The following MEIKIN variants were observed in gnomAD, a reference collection of about 807,000 sequenced individuals.
MEIKIN encodes meiotic kinetochore factor.
intron 9 of MEIKIN, among the ~76,000 whole-genome samples, chr5:131,863,168 T>G (rs1561736328): frequency 6.6e-6 from 1 of 152,194 alleles, no homozygotes; most frequent in African/African-American, 2.4e-5. Context: ...ATGATCTCAG[T>G]TTTTTCAAGT....
Position 131,896,299 on chromosome 5 carries a change from T to C in MEIKIN, c.703+15516A>G, listed in dbSNP as rs531364254. 2.0e-5 allele frequency among the ~76,000 whole-genome samples: 3 copies of C among 152,310 alleles called. No homozygotes were observed. In the East Asian group the frequency reaches 5.8e-4, roughly 29 times the overall value. ...TTTCATGTGCTGAGGAGTGCTTTAC[T>C]TCCAATTATGTGGTCAATTTTAGAA... On this transcript the variant is annotated intron_variant, in intron 8 of 12. Coordinates refer to ENST00000442687, the MANE Select transcript of MEIKIN (RefSeq NM_001303622.2).
Position 131,916,294 on chromosome 5 carries a change from A to G in MEIKIN, c.638+592T>C, listed in dbSNP as rs560330185. On this transcript the variant is annotated intron_variant, in intron 7 of 12. Transcript: ENST00000442687. ...ATTCACCCAAAAAAACAGCTAACAG[A>G]TTTTCTTTTCTTCAGAAATTTCTCA... Among the ~76,000 whole-genome samples, 5 of 152,266 alleles carry G rather than the reference A, an allele frequency of 3.3e-5. No homozygotes were observed. The South Asian group carries it at 1.0e-3, about 32-fold the overall frequency.
intron 8 of MEIKIN, among the ~76,000 whole-genome samples, chr5:131,889,955 A>T (rs1369988605): frequency 1.3e-5 from 2 of 152,160 alleles, no homozygotes; most frequent in Non-Finnish European, 2.9e-5. Flanking sequence ...CCTTTTCTGC[A>T]TCTATTGAGA....
At chr5:131,814,080 G>A (rs1197337128) in intron 12 of MEIKIN, among the ~76,000 whole-genome samples, 1 of 151,956 alleles carries the variant, frequency 6.6e-6, no homozygotes, top group Non-Finnish European at 1.5e-5. Context: ...GCTGGTAGCT[G>A]ATTAGATAGA....
chr5:131,871,268 G>C (rs1750490674), intron 9 of MEIKIN, among the ~76,000 whole-genome samples: 1 of 152,366 alleles, frequency 6.6e-6, no homozygotes, highest in African/African-American at 2.4e-5. Context: ...AGGGGTGACA[G>C]ACGGCACCTG....
chr5:131,894,257 C>T (rs984272861), intron 8 of MEIKIN, among the ~76,000 whole-genome samples: 1 of 151,102 alleles, frequency 6.6e-6, no homozygotes, highest in African/African-American at 2.4e-5. Context: ...CATTGGTCTA[C>T]ATGTCTGTTT....
At chr5:131,898,883 G>A (rs529266825) in intron 8 of MEIKIN, among the ~76,000 whole-genome samples, 10 of 152,278 alleles carry the variant, frequency 6.6e-5, no homozygotes, top group East Asian at 3.9e-4. Context: ...TGCACTTCCC[G>A]GGTAAGGCAA....
chr5:131,821,738 T>C (rs182888429), intron 11 of MEIKIN, among the ~76,000 whole-genome samples: 1 of 144,282 alleles, frequency 6.9e-6, no homozygotes, highest in East Asian at 2.1e-4. Flanking sequence ...CTTAACCTCC[T>C]GGGATCAAGC....
chr5:131,855,707 T>A (rs1285788009), intron 9 of MEIKIN, among the ~76,000 whole-genome samples: 1 of 151,122 alleles, frequency 6.6e-6, no homozygotes, highest in African/African-American at 2.4e-5. Flanking sequence ...GAAACCAACA[T>A]AGATTGTGAG....
At chr5:131,839,661 G>T (rs1749869673) in intron 11 of MEIKIN, among the ~76,000 whole-genome samples, 1 of 152,082 alleles carries the variant, frequency 6.6e-6, no homozygotes, top group Non-Finnish European at 1.5e-5. Context: ...TCAGAAACTT[G>T]GATTGCAACC....
chr5:131,901,593 G>C (rs1751158090), intron 8 of MEIKIN, among the ~76,000 whole-genome samples: 1 of 152,224 alleles, frequency 6.6e-6, no homozygotes, highest in Non-Finnish European at 1.5e-5. Context: ...CCACTCATCA[G>C]AGTGCTGTGA....
intron 8 of MEIKIN, among the ~76,000 whole-genome samples, chr5:131,899,855 T>C (rs1481747922): frequency 6.6e-6 from 1 of 152,190 alleles, no homozygotes; most frequent in Admixed American, 6.5e-5. Flanking sequence ...AAATAGGCCC[T>C]AATACAAAAA....
chr5:131,890,034 A>T (rs1191331711), intron 8 of MEIKIN, among the ~76,000 whole-genome samples: 1 of 152,158 alleles, frequency 6.6e-6, no homozygotes, highest in African/African-American at 2.4e-5. Context: ...TCGTATGTTG[A>T]ACCAGCCCTG....
At position 131,944,742 on chromosome 5, in the gene MEIKIN, C is replaced by T. The variant is rs915809960; in HGVS notation, c.211G>A (p.Gly71Arg). ...TGCAGGCTTTTCTCTCCTGTAACTCCTAAGCGAGGGCTAACAAAGAGACAA... is the reference window on the plus strand; with the variant it reads ...TGCAGGCTTTTCTCTCCTGTAACTCTTAAGCGAGGGCTAACAAAGAGACAA... Reference protein sequence around the residue: ...SGSGPFSPRLGVTGEKSLQEN... With the variant: ...SGSGPFSPRLRVTGEKSLQEN... Residue 71 changes from glycine (G) to arginine (R), a missense_variant, in exon 3 of 13, where the codon GGA (glycine) becomes AGA (arginine). By Grantham distance (125) the Gly-to-Arg change is moderately radical. Coordinates refer to ENST00000442687, the MANE Select transcript of MEIKIN (RefSeq NM_001303622.2). 2.5e-6 allele frequency: 1 copy of T among 398,980 alleles called. No homozygotes were observed. Among genetic ancestry groups the T allele is most frequent in the African/African-American group, 2.1e-5 (1 of 48,644 alleles). 24.7% of individuals were successfully genotyped at this position (398,980 alleles called of 1,614,324 possible).
intron 12 of MEIKIN, among the ~76,000 whole-genome samples, chr5:131,810,752 C>T (rs1772937965): frequency 6.6e-6 from 1 of 152,210 alleles, no homozygotes; most frequent in South Asian, 2.1e-4. Flanking sequence ...ATTCCAACGA[C>T]TTACCCACAC....
At chr5:131,870,878 C>G (rs930900159) in intron 9 of MEIKIN, among the ~76,000 whole-genome samples, 1 of 152,156 alleles carries the variant, frequency 6.6e-6, no homozygotes. Flanking sequence ...TATTTGCTCT[C>G]TAATTCCTTA....
intron 9 of MEIKIN, among the ~76,000 whole-genome samples, chr5:131,872,262 C>T (rs896679238): frequency 2.0e-5 from 3 of 151,594 alleles, no homozygotes; most frequent in Non-Finnish European, 4.4e-5. Context: ...AAAAATTAGA[C>T]GAATGGATAA....
intron 7 of MEIKIN, among the ~76,000 whole-genome samples, chr5:131,913,751 G>A (rs1751365619): frequency 6.6e-6 from 1 of 152,204 alleles, no homozygotes; most frequent in African/African-American, 2.4e-5. Context: ...GTGTTCATCA[G>A]TAAGGCCACT....
intron 12 of MEIKIN, among the ~76,000 whole-genome samples, chr5:131,817,455 CA>C (rs968637959): frequency 3.0e-4 from 43 of 145,288 alleles, no homozygotes; most frequent in Admixed American, 3.4e-4. Context: ...ACTGAAAATA[CA>C]AAAAAAAAAA....
Sources: gnomAD v4.1 joint callset for allele counts (sites outside exome capture counted in the v4.1 genomes callset) on GRCh38, gnomAD v4.1.1 for gene constraint, MANE v1.5 for transcripts, NCBI Gene and HGNC (gene_info 2026-07-23, HGNC 2026-07-21) for gene names.